Variants in SDCCAG8 observed in about 807,000 individuals in gnomAD.
SDCCAG8 encodes SHH signaling and ciliogenesis regulator SDCCAG8.
Under a neutral mutation model 101.8 loss-of-function variants are expected in SDCCAG8, and 74 were observed. The observed-to-expected ratio is 0.73, with a 90% CI of 0.60 to 0.88. The LOEUF is 0.88. Ranked by LOEUF, SDCCAG8 falls within the 40% of genes least tolerant of loss-of-function variation. SDCCAG8 has a pLI of 0.00. For missense variants in SDCCAG8, 787 were observed against 822.6 expected (o/e 0.96, Z 0.53); for synonymous variants, 281 against 292.9 (o/e 0.96, Z 0.41).
Position 243,472,792 on chromosome 1 carries a change from A to G in SDCCAG8, c.1986-16222A>G, listed in dbSNP as rs983034070. On this transcript the variant is annotated intron_variant, in intron 16 of 17. Transcript: ENST00000366541. ...AAATCTCAAGTGTCTTCAAACTGTT[A>G]TTATTTTTATGGATTTGTGACTCCA... 4.6e-5 allele frequency among the ~76,000 whole-genome samples: 7 copies of G among 152,344 alleles called. No homozygotes were observed. In the East Asian group the frequency reaches 1.4e-3, roughly 29 times the overall value.
At chr1:243,408,793 C>G (rs2079964488) in intron 13 of SDCCAG8, among the ~76,000 whole-genome samples, 2 of 152,146 alleles carry the variant, frequency 1.3e-5, no homozygotes, top group African/African-American at 2.4e-5. Context: ...AGAGAACCTA[C>G]TTTATATGGT....
In SDCCAG8 at chr1:243,347,489, G is replaced by A. The variant is rs545404135; in HGVS notation, c.1473+3158G>A. Among the ~76,000 whole-genome samples the A allele has an allele frequency of 1.1e-4, 17 of 152,232 alleles. No homozygotes were observed. In the South Asian group the frequency reaches 3.3e-3, roughly 30 times the overall value. On this transcript the variant is annotated intron_variant, in intron 12 of 17. Transcript: ENST00000366541. Reference sequence around the variant, plus strand: ...TAATAGGAAATAAACAGAACTCTTAGTAAAATTTCATCTTTCTTTGTTGTT... The same window carrying A: ...TAATAGGAAATAAACAGAACTCTTAATAAAATTTCATCTTTCTTTGTTGTT...
intron 9 of SDCCAG8, among the ~76,000 whole-genome samples, chr1:243,318,886 G>A (rs184059540): frequency 2.6e-5 from 4 of 152,280 alleles, no homozygotes; most frequent in Admixed American, 2.0e-4. Flanking sequence ...TTAAGCTACC[G>A]CTCTGTGTTA....
chr1:243,459,190 C>CAA (rs1346735277), intron 16 of SDCCAG8, among the ~76,000 whole-genome samples: 1 of 152,142 alleles, frequency 6.6e-6, no homozygotes, highest in African/African-American at 2.4e-5. Flanking sequence ...ATAGTCTTTA[C>CAA]AATAGTCTTT....
At position 243,453,449 on chromosome 1, in the gene SDCCAG8, T is replaced by C. The variant is rs531461987; in HGVS notation, c.1985+26891T>C. On this transcript the variant is annotated intron_variant, in intron 16 of 17. Transcript: ENST00000366541. ...GGTTCATTTTGTTTTTGAAGGTAGT[T>C]TGTGCCATAGAAACCAGACAGGGTG... Among the ~76,000 whole-genome samples, 3 of 152,302 alleles carry C rather than the reference T, an allele frequency of 2.0e-5. No homozygotes were observed. In the South Asian group the frequency reaches 6.2e-4, roughly 32 times the overall value.
intron 6 of SDCCAG8, among the ~76,000 whole-genome samples, chr1:243,298,175 A>G (rs544661482): frequency 1.3e-5 from 2 of 151,218 alleles, no homozygotes; most frequent in Admixed American, 1.3e-4. Flanking sequence ...CAACCTCCCA[A>G]GTAGCTGGGA....
chr1:243,300,165 G>C (rs1308506911), intron 6 of SDCCAG8, among the ~76,000 whole-genome samples: 1 of 152,018 alleles, frequency 6.6e-6, no homozygotes, highest in African/African-American at 2.4e-5. Flanking sequence ...GCCTGGCCAT[G>C]AATTAATTAT....
chr1:243,401,630 T>C (rs1323867685), intron 13 of SDCCAG8, among the ~76,000 whole-genome samples: 2 of 152,224 alleles, frequency 1.3e-5, no homozygotes, highest in South Asian at 2.1e-4. Context: ...TTAAAAATAA[T>C]TTGCCAGCTT....
chr1:243,455,872 A>G (rs2083704228), intron 16 of SDCCAG8, among the ~76,000 whole-genome samples: 1 of 152,258 alleles, frequency 6.6e-6, no homozygotes, highest in Non-Finnish European at 1.5e-5. Context: ...AGTGCAAAGT[A>G]CATTTGATAA....
intron 1 of SDCCAG8, among the ~76,000 whole-genome samples, chr1:243,257,403 A>G (rs190293899): frequency 2.0e-5 from 3 of 152,216 alleles, no homozygotes; most frequent in Admixed American, 6.5e-5. Flanking sequence ...ACTAGGTGCT[A>G]GGCATGCAGT....
intron 13 of SDCCAG8, among the ~76,000 whole-genome samples, chr1:243,392,672 T>A (rs928871224): frequency 1.3e-5 from 2 of 152,200 alleles, no homozygotes; most frequent in Non-Finnish European, 2.9e-5. Flanking sequence ...TCAAACTGAT[T>A]TGCACAAAGA....
chr1:243,257,482 A>T (rs941952847), intron 1 of SDCCAG8, among the ~76,000 whole-genome samples: 8 of 151,914 alleles, frequency 5.3e-5, no homozygotes, highest in Non-Finnish European at 8.8e-5. Context: ...CAAAAAAAAA[A>T]AATAATTATA....
At chr1:243,386,926 G>T (rs1185645789) in intron 13 of SDCCAG8, among the ~76,000 whole-genome samples, 1 of 152,108 alleles carries the variant, frequency 6.6e-6, no homozygotes, top group Non-Finnish European at 1.5e-5. Context: ...ATATTATAAT[G>T]CCATTGTCAT....
At chr1:243,347,839 A>G (rs934759187) in intron 12 of SDCCAG8, among the ~76,000 whole-genome samples, 4 of 152,272 alleles carry the variant, frequency 2.6e-5, no homozygotes, top group African/African-American at 7.2e-5. Flanking sequence ...ATCTGAGAAG[A>G]CGATTCTTTA....
chr1:243,393,283 G>A (rs2078824991), intron 13 of SDCCAG8, among the ~76,000 whole-genome samples: 1 of 152,112 alleles, frequency 6.6e-6, no homozygotes, highest in African/African-American at 2.4e-5. Context: ...CTGGGCAGCA[G>A]CCATCTTGTG....
chr1:243,499,849 CTT>C lies in SDCCAG8; in HGVS notation c.*65_*66del. The C allele has an allele frequency of 6.7e-7, 1 of 1,497,818 alleles. No homozygotes were observed. The highest frequency in any genetic ancestry group is 1.7e-4 in the Middle Eastern group (1 of 5,868). The allele number at this position is 1,497,818 out of a possible 1,614,324, so 92.8% of individuals were successfully genotyped here. On this transcript the variant is annotated 3_prime_UTR_variant, in exon 18 of 18. Coordinates refer to ENST00000366541, the MANE Select transcript of SDCCAG8 (RefSeq NM_006642.5). The stretch of plus-strand genomic sequence containing the variant: ...GATATTTACATTCATCTGGTTTAGA[CTT>C]AATATGCCACAACGCACCACGACCT...
chr1:243,457,137 C>G (rs1048765073), intron 16 of SDCCAG8, among the ~76,000 whole-genome samples: 5 of 152,004 alleles, frequency 3.3e-5, no homozygotes, highest in African/African-American at 1.2e-4. Context: ...GTTGAGTGCA[C>G]CTTATTTTGT....
At chr1:243,406,415 C>T (rs2079787850) in intron 13 of SDCCAG8, among the ~76,000 whole-genome samples, 1 of 152,154 alleles carries the variant, frequency 6.6e-6, no homozygotes, top group Non-Finnish European at 1.5e-5. Flanking sequence ...TTGTCAAATG[C>T]ACTGAGGCTG....
chr1:243,302,797 T>C (rs563987499), intron 6 of SDCCAG8, among the ~76,000 whole-genome samples: 1 of 152,276 alleles, frequency 6.6e-6, no homozygotes, highest in South Asian at 2.1e-4. Context: ...CTTTAAGGCT[T>C]ATTACATATG....
Sources: gnomAD v4.1 joint callset for allele counts (sites outside exome capture counted in the v4.1 genomes callset) on GRCh38, gnomAD v4.1.1 for gene constraint, MANE v1.5 for transcripts, NCBI Gene and HGNC (gene_info 2026-07-23, HGNC 2026-07-21) for gene names.